Variants in ST6GALNAC5 observed in about 807,000 individuals in gnomAD.
The protein encoded by ST6GALNAC5 is ST6 N-acetylgalactosaminide alpha-2,6-sialyltransferase 5, also known as alpha-N-acetylgalactosaminide alpha-2,6-sialyltransferase 5.
ST6GALNAC5 carries 27 observed loss-of-function variants against 33.6 expected under a neutral mutation model. That is an observed-to-expected ratio of 0.80 (90% CI 0.59 to 1.11). ST6GALNAC5 has a LOEUF of 1.11. Among genes scored for constraint, ST6GALNAC5 ranks in the 50% least tolerant of loss-of-function variants. ST6GALNAC5 has a pLI of 0.00. For synonymous variants in ST6GALNAC5, 194 were observed against 171.2 expected, an observed-to-expected ratio of 1.13 and a Z score of -1.04; for missense variants, 428 against 454.0, an observed-to-expected ratio of 0.94 and a Z score of 0.52.
chr1:76,895,278 G>A lies in ST6GALNAC5; in HGVS notation c.261+26536G>A, dbSNP rs534690180. Among the ~76,000 whole-genome samples, 16 of 151,896 alleles carry A rather than the reference G, an allele frequency of 1.1e-4. No homozygotes were observed. The Middle Eastern group carries it at 0.01, about 97-fold the overall frequency. On this transcript the variant is annotated intron_variant, in intron 2 of 4. Coordinates refer to ENST00000477717, the MANE Select transcript of ST6GALNAC5 (RefSeq NM_030965.3). The stretch of plus-strand genomic sequence containing the variant: ...AATGAAATAGTGGTAAAGTGTTGGG[G>A]TGGTGAAAATTTTGGGGGGGTGATA...
chr1:76,886,964 T>C (rs1205673736), intron 2 of ST6GALNAC5, among the ~76,000 whole-genome samples: 3 of 152,216 alleles, frequency 2.0e-5, no homozygotes, highest in African/African-American at 7.2e-5. Flanking sequence ...TGATGGACAC[T>C]AGGGTTATTT....
At chr1:76,961,189 G>A (rs914588572) in intron 2 of ST6GALNAC5, among the ~76,000 whole-genome samples, 18 of 152,174 alleles carry the variant, frequency 1.2e-4, no homozygotes, top group Middle Eastern at 3.4e-3. Flanking sequence ...CCCTCCATTC[G>A]GGGTTCCTGA....
Position 77,016,282 on chromosome 1 carries a change from ATCCTCCTGTATCTCCTCCCCCTCC to A in ST6GALNAC5, c.262-27913_262-27890del, listed in dbSNP as rs1395038580. 3.3e-3 allele frequency among the ~76,000 whole-genome samples: 136 copies of A among 41,836 alleles called. 1 individual carries two copies. The highest frequency in any genetic ancestry group is 0.014 in the African/African-American group (126 of 8,928). The allele number at this position is 41,836 out of a possible 152,430, so 27.4% of individuals were successfully genotyped here. On this transcript the variant is annotated intron_variant, in intron 2 of 4. Coordinates refer to ENST00000477717, the MANE Select transcript of ST6GALNAC5 (RefSeq NM_030965.3). ...CCTCCTCCTGTATCTCCTCCCCCTC[ATCCTCCTGTATCTCCTCCCCCTCC>A]TCCTCCTGAAACTCTTCCTCCTCTT... is the stretch of plus-strand genomic sequence containing the variant.
intron 2 of ST6GALNAC5, among the ~76,000 whole-genome samples, chr1:76,907,860 C>T (rs1444822441): frequency 2.6e-5 from 4 of 152,052 alleles, no homozygotes; most frequent in East Asian, 3.9e-4. Flanking sequence ...ATCCCAGTCC[C>T]CTCCTCTATA....
chr1:76,936,347 G>C (rs1376666345), intron 2 of ST6GALNAC5, among the ~76,000 whole-genome samples: 1 of 151,812 alleles, frequency 6.6e-6, no homozygotes, highest in East Asian at 1.9e-4. Context: ...TATTTTGTTG[G>C]TATATACCTT....
intron 2 of ST6GALNAC5, among the ~76,000 whole-genome samples, chr1:76,925,763 T>C (rs1403592290): frequency 6.6e-6 from 1 of 152,196 alleles, no homozygotes; most frequent in African/African-American, 2.4e-5. Context: ...TCTCTTGAAC[T>C]GTAGGAAATA....
intron 2 of ST6GALNAC5, among the ~76,000 whole-genome samples, chr1:77,040,551 G>A (rs1047167019): frequency 7.3e-6 from 1 of 137,368 alleles, no homozygotes; most frequent in African/African-American, 2.9e-5. Context: ...TGTTCAGCTG[G>A]CCTGCTCTGG....
At chr1:76,934,096 G>C (rs1202135110) in intron 2 of ST6GALNAC5, among the ~76,000 whole-genome samples, 1 of 152,040 alleles carries the variant, frequency 6.6e-6, no homozygotes, top group East Asian at 1.9e-4. Flanking sequence ...GGAGGTTTCT[G>C]AGGTTACCTT....
intron 2 of ST6GALNAC5, among the ~76,000 whole-genome samples, chr1:77,003,379 G>A (rs1405562842): frequency 8.8e-5 from 13 of 148,156 alleles, no homozygotes; most frequent in Non-Finnish European, 1.5e-4. Flanking sequence ...TTGAGCCTAT[G>A]TGTGTCTCTG....
At chr1:76,877,351 G>T (rs1407675806) in intron 2 of ST6GALNAC5, among the ~76,000 whole-genome samples, 1 of 152,168 alleles carries the variant, frequency 6.6e-6, no homozygotes, top group Non-Finnish European at 1.5e-5. Flanking sequence ...GCCTGAGCCT[G>T]TTGCAGAGCC....
At chr1:76,903,497 T>C (rs974309215) in intron 2 of ST6GALNAC5, among the ~76,000 whole-genome samples, 4 of 152,194 alleles carry the variant, frequency 2.6e-5, no homozygotes, top group African/African-American at 7.2e-5. Flanking sequence ...TTGTGACACA[T>C]AGAGTTACAT....
intron 2 of ST6GALNAC5, among the ~76,000 whole-genome samples, chr1:76,951,565 C>T (rs768648474): frequency 6.6e-6 from 1 of 152,050 alleles, no homozygotes; most frequent in Middle Eastern, 3.4e-3. Context: ...AGCAAACCAC[C>T]GTGGCACGTG....
At chr1:76,939,851 C>A (rs1413646640) in intron 2 of ST6GALNAC5, among the ~76,000 whole-genome samples, 1 of 152,180 alleles carries the variant, frequency 6.6e-6, no homozygotes, top group African/African-American at 2.4e-5. Flanking sequence ...ATATGAGACT[C>A]CCTGGATTTG....
chr1:76,970,345 G>A (rs1463927172), intron 2 of ST6GALNAC5, among the ~76,000 whole-genome samples: 1 of 151,936 alleles, frequency 6.6e-6, no homozygotes, highest in Non-Finnish European at 1.5e-5. Context: ...AATAAACAGT[G>A]TAGAGAAGAC....
chr1:77,039,967 A>G (rs1651778775), intron 2 of ST6GALNAC5, among the ~76,000 whole-genome samples: 1 of 152,242 alleles, frequency 6.6e-6, no homozygotes, highest in Non-Finnish European at 1.5e-5. Flanking sequence ...TAAGGGAAGA[A>G]CATGTAAATA....
At chr1:76,919,165 T>C (rs1316664530) in intron 2 of ST6GALNAC5, among the ~76,000 whole-genome samples, 1 of 152,026 alleles carries the variant, frequency 6.6e-6, no homozygotes, top group Non-Finnish European at 1.5e-5. Context: ...CATGATTGAT[T>C]GAAGAATAAA....
At chr1:77,052,441 A>T (rs1004592217) in intron 4 of ST6GALNAC5, among the ~76,000 whole-genome samples, 1 of 152,188 alleles carries the variant, frequency 6.6e-6, no homozygotes, top group Non-Finnish European at 1.5e-5. Context: ...GGGATAAGAA[A>T]ATAAGAAGAC....
intron 2 of ST6GALNAC5, among the ~76,000 whole-genome samples, chr1:76,947,446 C>T (rs904788119): frequency 6.6e-5 from 10 of 152,190 alleles, no homozygotes; most frequent in Non-Finnish European, 1.3e-4. Flanking sequence ...AAAACTAAGA[C>T]TTTGAGAGGC....
intron 2 of ST6GALNAC5, among the ~76,000 whole-genome samples, chr1:76,948,609 G>A (rs1288754727): frequency 6.6e-6 from 1 of 151,602 alleles, no homozygotes; most frequent in African/African-American, 2.4e-5. Context: ...GAGAGAGAGA[G>A]AGAGAGAGAG....
Sources: allele counts gnomAD v4.1 joint callset (sites outside exome capture counted in the v4.1 genomes callset), GRCh38; gene constraint gnomAD v4.1.1; transcripts MANE v1.5; gene names NCBI Gene and HGNC (gene_info 2026-07-23, HGNC 2026-07-21).